Variants in EBLN1 observed in about 807,000 individuals in gnomAD.
The protein encoded by EBLN1 is endogenous Bornavirus like nucleoprotein 1, also known as endogenous Bornavirus-like nucleoprotein 1.
A neutral mutation model predicts 0.8 loss-of-function variants in EBLN1; 1 was observed. The observed-to-expected ratio is 1.32, with a 90% CI of 0.47 to 6.26. The LOEUF (loss-of-function observed/expected upper bound fraction) is 6.26, where lower values mean the gene tolerates loss of function less well. EBLN1 is among the 30% of genes most tolerant of loss of function. EBLN1 has a pLI of 0.15. For synonymous variants in EBLN1, 158 were observed against 158.5 expected, an observed-to-expected ratio of 1.00 and a Z score of 0.02; for missense variants, 396 against 447.9, an observed-to-expected ratio of 0.88 and a Z score of 1.05.
intron 2 of EBLN1, among the ~76,000 whole-genome samples, chr10:22,210,810 G>T (rs998116504): frequency 2.0e-5 from 3 of 152,104 alleles, no homozygotes; most frequent in African/African-American, 7.2e-5. Context: ...TTCCAAACTC[G>T]CTGGCCAAGT....
intron 2 of EBLN1, among the ~76,000 whole-genome samples, chr10:22,212,459 T>C (rs989508399): frequency 5.9e-5 from 9 of 152,210 alleles, no homozygotes; most frequent in Non-Finnish European, 1.3e-4. Flanking sequence ...GTTTTGTAAA[T>C]AGAATAAGTC....
chr10:22,212,115 G>A (rs954685410), intron 2 of EBLN1, among the ~76,000 whole-genome samples: 1 of 152,116 alleles, frequency 6.6e-6, no homozygotes, highest in African/African-American at 2.4e-5. Flanking sequence ...TGTTCTCAGT[G>A]CCATAAACCA....
At chr10:22,216,611 T>A (rs1834794279) in intron 1 of EBLN1, among the ~76,000 whole-genome samples, 1 of 152,212 alleles carries the variant, frequency 6.6e-6, no homozygotes, top group African/African-American at 2.4e-5. Context: ...TTAGAATATT[T>A]GTTTGAAATA....
intron 1 of EBLN1, among the ~76,000 whole-genome samples, chr10:22,214,729 C>T (rs919584691): frequency 6.6e-6 from 1 of 152,102 alleles, no homozygotes; most frequent in Non-Finnish European, 1.5e-5. Flanking sequence ...AACACTCTGG[C>T]AATTCCTCAA....
intron 2 of EBLN1, among the ~76,000 whole-genome samples, chr10:22,210,228 A>G (rs1327191023): frequency 6.6e-6 from 1 of 152,202 alleles, no homozygotes; most frequent in East Asian, 1.9e-4. Flanking sequence ...CAGCTGCACT[A>G]AAATCCTTTC....
intron 2 of EBLN1, 115 bp from the exon 3 acceptor site, chr10:22,210,142 G>A (rs1476374204): frequency 7.1e-6 from 7 of 980,292 alleles, no homozygotes; most frequent in Non-Finnish European, 9.3e-6. Context: ...CAGTTTTTTA[G>A]TCTAGTAAAG....
chr10:22,213,729 A>G (rs16922110), intron 1 of EBLN1, among the ~76,000 whole-genome samples: 2,426 of 152,288 alleles, frequency 0.016, 79 homozygotes, highest in African/African-American at 0.055. Flanking sequence ...CTGCTATTAA[A>G]ATGTCAAGTC....
rs557441472 is a variant in EBLN1, at chr10:22,211,644, A to C, written c.-45+1198T>G. 9.9e-5 allele frequency among the ~76,000 whole-genome samples: 15 copies of C among 152,136 alleles called. No individual in the cohort carries two copies. In the East Asian group the frequency reaches 2.9e-3, roughly 29 times the overall value. On this transcript the variant is annotated intron_variant, in intron 2 of 2. Transcript: ENST00000422359. The stretch of plus-strand genomic sequence containing the variant: ...GTAGCTGAGACTACAGGTACTTGCC[A>C]GTATGCCATCTAATTTTTGTTTGTT...
chr10:22,210,120 C>A lies in EBLN1; in HGVS notation c.-44-93G>T, dbSNP rs77866090. On this transcript the variant is annotated intron_variant, in intron 2 of 2. Transcript: ENST00000422359. ...TATGACTTCTGTATCTCATTTACTT[C>A]TTAGTAATATTCAGTTTTTTAGTCT... 3.7e-3 allele frequency: 4,113 copies of A among 1,098,060 alleles called. 115 individuals carry two copies. The African/African-American group carries it at 0.055, about 15-fold the overall frequency. 68.0% of individuals were successfully genotyped at this position (1,098,060 alleles called of 1,614,324 possible).
At chr10:22,213,143 C>T (rs1274319154) in intron 1 of EBLN1, among the ~76,000 whole-genome samples, 178 bp from the exon 2 acceptor site, 2 of 152,040 alleles carry the variant, frequency 1.3e-5, no homozygotes, top group African/African-American at 2.4e-5. Context: ...AAATACACTC[C>T]TTTGTTTAGC....
intron 1 of EBLN1, among the ~76,000 whole-genome samples, 25 bp from the exon 2 acceptor site, chr10:22,212,990 G>A (rs1410727123): frequency 6.6e-6 from 1 of 151,094 alleles, no homozygotes; most frequent in Non-Finnish European, 1.5e-5. Flanking sequence ...AAAAAAGGTT[G>A]TATTAAAAAC....
intron 2 of EBLN1, among the ~76,000 whole-genome samples, chr10:22,211,295 A>G (rs551293039): frequency 1.3e-5 from 2 of 152,298 alleles, no homozygotes; most frequent in Non-Finnish European, 2.9e-5. Flanking sequence ...TATTCCCCGA[A>G]AGTCCATTTG....
intron 1 of EBLN1, among the ~76,000 whole-genome samples, chr10:22,216,899 T>C (rs1165113319): frequency 6.6e-6 from 1 of 152,180 alleles, no homozygotes; most frequent in Non-Finnish European, 1.5e-5. Flanking sequence ...TTTATGATTT[T>C]CCTTAAGACT....
At position 22,209,690 on chromosome 10, in the gene EBLN1, C is replaced by T; in HGVS notation, c.294G>A (p.Val98=). ...CAATCACAATATTAGACCTTTTGCTCACACCGACACTGAGTAGTGCCTTGT... is the reference window on the plus strand; with the variant it reads ...CAATCACAATATTAGACCTTTTGCTTACACCGACACTGAGTAGTGCCTTGT... ...GLHKALLSVG[V]SKRSNIVIGN... Residue 98 remains valine, a synonymous_variant, in exon 3 of 3, where the codon GTG becomes GTA. Transcript: ENST00000422359. The T allele has an allele frequency of 6.5e-7, 1 of 1,535,882 alleles. No homozygotes were observed. Among genetic ancestry groups the T allele is most frequent in the Non-Finnish European group, 8.7e-7 (1 of 1,146,938 alleles).
At chr10:22,213,103 G>A (rs1834767595) in intron 1 of EBLN1, among the ~76,000 whole-genome samples, 138 bp from the exon 2 acceptor site, 1 of 152,166 alleles carries the variant, frequency 6.6e-6, no homozygotes, top group Non-Finnish European at 1.5e-5. Context: ...GAAACGGTGA[G>A]TAGCAAATTC....
chr10:22,213,007 TATG>T (rs900296590), intron 1 of EBLN1, among the ~76,000 whole-genome samples, 42 bp from the exon 2 acceptor site: 11 of 151,868 alleles, frequency 7.2e-5, no homozygotes, highest in Non-Finnish European at 1.5e-4. Context: ...AAACCCAGTC[TATG>T]ATGTAAAGTG....
At chr10:22,212,793 A>G (rs796232581) in intron 2 of EBLN1, among the ~76,000 whole-genome samples, 49 bp downstream of exon 2, 17 of 150,066 alleles carry the variant, frequency 1.1e-4, no homozygotes, top group African/African-American at 4.2e-4. Flanking sequence ...CTTAAAAAAA[A>G]AAAAGTTGTG....
Position 22,209,780 on chromosome 10 carries a change from C to A in EBLN1, c.204G>T (p.Gln68His). 1 of 1,535,922 alleles carries A rather than the reference C, an allele frequency of 6.5e-7. No individual in the cohort carries two copies. Among genetic ancestry groups the A allele is most frequent in the Non-Finnish European group, 8.7e-7 (1 of 1,146,906 alleles). The change falls in exon 3 of 3, where the codon CAG becomes CAT. Residue 68 changes from glutamine (Q) to histidine (H), a missense_variant. Physicochemically the swap from Gln to His is conservative, Grantham distance 24. Coordinates refer to ENST00000422359, the MANE Select transcript of EBLN1 (RefSeq NM_001394757.1). ...GGGTTACAAGGTAAAAATGAGATCT[C>A]TGTGCTGGGTCTAGCATAGACTTAG... is the stretch of plus-strand genomic sequence containing the variant. ...KATKSMLDPA[Q>H]RSHFYLVTPS...
Position 22,209,308 on chromosome 10 carries a change from TA to T in EBLN1, c.675del (p.Val227Ter). The T allele has an allele frequency of 6.3e-7, 1 of 1,599,400 alleles. No individual in the cohort carries two copies. Among genetic ancestry groups the T allele is most frequent in the Non-Finnish European group, 8.5e-7 (1 of 1,179,388 alleles). On this transcript the variant is annotated frameshift_variant, in exon 3 of 3. Coordinates refer to ENST00000422359, the MANE Select transcript of EBLN1 (RefSeq NM_001394757.1). LOFTEE classifies it low-confidence loss of function (END_TRUNC). The stretch of plus-strand genomic sequence containing the variant: ...ATCTGTGCTTTGCTGGCAACTACTT[TA>T]ACTTGATCAAGTAGCTCGCACGCAG... The part of the protein sequence containing the change: ...ESPACELLDQ[V>X]KVVASKAQMM...
Sources: allele counts gnomAD v4.1 joint callset (sites outside exome capture counted in the v4.1 genomes callset), GRCh38; gene constraint gnomAD v4.1.1; transcripts MANE v1.5; gene names NCBI Gene and HGNC (gene_info 2026-07-23, HGNC 2026-07-21).